SLC4A5: variants seen among roughly 807,000 people sequenced by gnomAD.
SLC4A5 encodes solute carrier family 4 member 5, also known as electrogenic sodium bicarbonate cotransporter 4.
In SLC4A5, 96 loss-of-function variants were observed where a neutral mutation model predicts 120.4. The ratio of observed to expected loss-of-function variants is 0.80; its 90% confidence interval spans 0.68 to 0.94. SLC4A5 has a LOEUF of 0.94. SLC4A5 is among the 40% of genes least tolerant of loss of function. The probability of loss-of-function intolerance (pLI) is 0.00; values close to 1 mark genes in which losing one functional copy is unlikely to be tolerated. For synonymous variants in SLC4A5, 550 were observed against 571.1 expected (o/e 0.96, Z 0.53); for missense variants, 1,259 against 1,459.5 (o/e 0.86, Z 2.24).
chr2:74,255,828 G>T lies in SLC4A5; in HGVS notation c.972C>A (p.Arg324=). Residue 324 remains arginine (R), a synonymous_variant, in exon 13 of 31, where the codon CGC becomes CGA. Coordinates refer to ENST00000394019, the Ensembl canonical transcript of SLC4A5. This position sits in a 1 kb window ranked among gnomAD's most constrained non-coding sequence, Gnocchi z 4.0. ...CTCCCAGCATGGCCGACTGGATGAG[G>T]CGCACGAACGCGATGAATGGCTGGT... The T allele has an allele frequency of 6.2e-7, 1 of 1,614,214 alleles. No homozygotes were observed. The highest frequency in any genetic ancestry group is 1.1e-5 in the South Asian group (1 of 91,086).
chr2:74,269,555 G>C (rs1260348030), intron 8 of SLC4A5, among the ~76,000 whole-genome samples: 1 of 152,056 alleles, frequency 6.6e-6, no homozygotes, highest in East Asian at 1.9e-4. Flanking sequence ...TTAGTTGAGA[G>C]GATGCTCAAC....
intron 16 of SLC4A5, 37 bp from the exon 17 acceptor site, chr2:74,250,554 C>A: frequency 5.0e-6 from 8 of 1,612,012 alleles, no homozygotes; most frequent in Non-Finnish European, 6.8e-6. Flanking sequence ...TTTCTCACCA[C>A]TAACACCAGT....
chr2:74,264,316 C>T lies in SLC4A5; in HGVS notation c.563-17G>A. On this transcript the variant is annotated splice_polypyrimidine_tract_variant and intron_variant, in intron 9 of 30. Transcript: ENST00000394019. ...TGACATCATCTGTGTGGAAAACATA[C>T]ACACCTCATCCCTGTGGGACAGAAC... The T allele has an allele frequency of 6.2e-7, 1 of 1,610,646 alleles. No individual in the cohort carries two copies. The highest frequency in any genetic ancestry group is 8.5e-7 in the Non-Finnish European group (1 of 1,178,148).
At chr2:74,252,924 CAG>C (rs1553453920) in intron 15 of SLC4A5, 48 bp downstream of exon 15, 1 of 1,595,558 alleles carries the variant, frequency 6.3e-7, no homozygotes, top group Non-Finnish European at 8.6e-7. Flanking sequence ...ATGATACCGA[CAG>C]AGTTGAAGCC....
chr2:74,232,502 G>A lies in SLC4A5; in HGVS notation c.2741C>T (p.Ala914Val), dbSNP rs745967627. Residue 914 changes from alanine (A) to valine (V), a missense_variant, in exon 24 of 31, where the codon GCC becomes GTC. Ala to Val is a moderately conservative substitution (Grantham distance 64). Transcript: ENST00000394019. ...CAGAAACTGGGGCTGCTCCCCAGGGGCACTGGTCTCTGTCTCCATCTTGAG... is the reference window on the plus strand; with the variant it reads ...CAGAAACTGGGGCTGCTCCCCAGGGACACTGGTCTCTGTCTCCATCTTGAG... The A allele has an allele frequency of 5.0e-6, 8 of 1,614,054 alleles. No homozygotes were observed. In the East Asian group the frequency reaches 8.9e-5, roughly 18 times the overall value.
chr2:74,252,981 C>T (rs1478544489), exon 15 of SLC4A5: 1 of 1,614,058 alleles, frequency 6.2e-7, no homozygotes, highest in African/African-American at 1.3e-5. Context: ...CACCTCTTGT[C>T]AGCAGAGGGC....
chr2:74,231,238 T>G, exon 25 of SLC4A5: 2 of 1,611,114 alleles, frequency 1.2e-6, no homozygotes, highest in Non-Finnish European at 1.7e-6. Flanking sequence ...GACCTCACCT[T>G]TAGGATGGGA....
chr2:74,230,601 A>G (rs1670044232), intron 25 of SLC4A5, among the ~76,000 whole-genome samples: 1 of 152,206 alleles, frequency 6.6e-6, no homozygotes, highest in African/African-American at 2.4e-5. Context: ...AACACACCCC[A>G]TTCAGGAAGT....
chr2:74,310,606 T>A (rs565842875), intron 6 of SLC4A5, among the ~76,000 whole-genome samples: 50 of 152,322 alleles, frequency 3.3e-4, no homozygotes, highest in African/African-American at 1.2e-3. Context: ...ATTATCTTAA[T>A]TGACTTTTGA....
At chr2:74,221,783 A>T (rs1304146840) in intron 29 of SLC4A5, among the ~76,000 whole-genome samples, 1 of 152,062 alleles carries the variant, frequency 6.6e-6, no homozygotes, top group East Asian at 1.9e-4. Context: ...GGTACCTATG[A>T]TGGACAGTGC....
chr2:74,252,803 G>A (rs948666933), intron 15 of SLC4A5, among the ~76,000 whole-genome samples, 171 bp downstream of exon 15: 2 of 152,194 alleles, frequency 1.3e-5, no homozygotes, highest in African/African-American at 4.8e-5. Flanking sequence ...GCCCAGGCTG[G>A]TTTCAAACTC....
chr2:74,310,932 T>C (rs1043067793), intron 6 of SLC4A5, among the ~76,000 whole-genome samples: 3 of 151,704 alleles, frequency 2.0e-5, no homozygotes, highest in Non-Finnish European at 4.4e-5. Context: ...GAAGGCCTGT[T>C]GCTCTTTTTT....
At chr2:74,256,682 T>C (rs1246048977) in intron 12 of SLC4A5, among the ~76,000 whole-genome samples, 1 of 152,244 alleles carries the variant, frequency 6.6e-6, no homozygotes, top group African/African-American at 2.4e-5. Context: ...TCTGCGTTTA[T>C]AACTTCCTGA....
chr2:74,276,749 G>A (rs1340580586), intron 8 of SLC4A5, among the ~76,000 whole-genome samples: 1 of 140,900 alleles, frequency 7.1e-6, no homozygotes, highest in Non-Finnish European at 1.5e-5. Flanking sequence ...CTAGGATATA[G>A]CGAGTCCTCC....
At chr2:74,235,665 C>T (rs1670246057) in intron 21 of SLC4A5, among the ~76,000 whole-genome samples, 3 of 152,176 alleles carry the variant, frequency 2.0e-5, no homozygotes. Context: ...GGTTGTTGTA[C>T]CCCACCTGGG....
At chr2:74,232,407 G>A (rs1396724984) in intron 24 of SLC4A5, 62 bp downstream of exon 24, 1 of 1,563,942 alleles carries the variant, frequency 6.4e-7, no homozygotes, top group East Asian at 2.3e-5. Flanking sequence ...GGCAAAGCCA[G>A]CTTCTCCTCC....
chr2:74,247,575 C>T (rs1303417398), intron 18 of SLC4A5, among the ~76,000 whole-genome samples: 3 of 151,704 alleles, frequency 2.0e-5, no homozygotes, highest in South Asian at 2.1e-4. Context: ...ACTGCAATGG[C>T]GTGATCTTGG....
Position 74,307,050 on chromosome 2 carries a change from C to T in SLC4A5, c.80-2370G>A, listed in dbSNP as rs541749544. 9.3e-5 allele frequency: 53 copies of T among 571,822 alleles called. No homozygotes were observed. In the East Asian group the frequency reaches 1.7e-3, roughly 19 times the overall value. 35.4% of individuals were successfully genotyped at this position (571,822 alleles called of 1,614,324 possible). On this transcript the variant is annotated intron_variant, in intron 6 of 30. Coordinates refer to ENST00000394019, the Ensembl canonical transcript of SLC4A5. Reference sequence around the variant, plus strand: ...GTAGTGGGCCTCCACCTCCCTCAGGCTGTTTCCCAAGCTGACCTTCAGATT... The same window carrying T: ...GTAGTGGGCCTCCACCTCCCTCAGGTTGTTTCCCAAGCTGACCTTCAGATT...
At chr2:74,292,144 A>G (rs922813781) in intron 7 of SLC4A5, among the ~76,000 whole-genome samples, 1 of 152,160 alleles carries the variant, frequency 6.6e-6, no homozygotes, top group East Asian at 1.9e-4. Context: ...CAGGGATTCA[A>G]TGAGATAATA....
Sources: allele counts gnomAD v4.1 joint callset (sites outside exome capture counted in the v4.1 genomes callset), GRCh38; gene constraint gnomAD v4.1.1; non-coding constraint Gnocchi (gnomAD v3.1); transcripts MANE v1.5; gene names NCBI Gene and HGNC (gene_info 2026-07-23, HGNC 2026-07-21).